The following ZNF385B variants were observed in gnomAD, a reference collection of about 807,000 sequenced individuals.
ZNF385B encodes zinc finger protein 533.
A neutral mutation model predicts 39.2 loss-of-function variants in ZNF385B; 23 were observed. The ratio of observed to expected loss-of-function variants is 0.59; its 90% CI spans 0.42 to 0.83. ZNF385B has a LOEUF of 0.83. Among genes scored for constraint, ZNF385B ranks in the 40% least tolerant of loss-of-function variants. The pLI, the probability that ZNF385B is intolerant of heterozygous loss-of-function variation, is 0.00. For missense variants in ZNF385B, 552 were observed against 598.9 expected (o/e 0.92, Z 0.82); for synonymous variants, 205 against 222.6 (o/e 0.92, Z 0.70).
chr2:179,827,628 A>C (rs1379342113), intron 1 of ZNF385B, among the ~76,000 whole-genome samples: 1 of 152,208 alleles, frequency 6.6e-6, no homozygotes, highest in Non-Finnish European at 1.5e-5. Flanking sequence ...TACAACCAGA[A>C]CTGCCCCGCA....
chr2:179,590,058 G>T (rs1262732710), intron 3 of ZNF385B, among the ~76,000 whole-genome samples: 1 of 152,222 alleles, frequency 6.6e-6, no homozygotes, highest in Non-Finnish European at 1.5e-5. Flanking sequence ...ATTGTGTGGG[G>T]TCTGTATGTG....
chr2:179,790,910 C>G (rs940680191), intron 1 of ZNF385B, among the ~76,000 whole-genome samples: 1 of 152,086 alleles, frequency 6.6e-6, no homozygotes, highest in Non-Finnish European at 1.5e-5. Flanking sequence ...TATAATGTCC[C>G]CCTATTTATG....
chr2:179,769,903 GC>G, intron 2 of ZNF385B, 101 bp from the exon 3 acceptor site: 1 of 1,184,586 alleles, frequency 8.4e-7, no homozygotes, highest in Non-Finnish European at 1.2e-6. Context: ...GCTAAAAGTT[GC>G]CCAGCTACCC....
chr2:179,551,622 TC>T, intron 3 of ZNF385B, among the ~76,000 whole-genome samples: 1 of 152,240 alleles, frequency 6.6e-6, no homozygotes, highest in African/African-American at 2.4e-5. Context: ...AATCTTCATA[TC>T]TTTCCAGGAA....
chr2:179,727,063 T>C (rs1701068107), intron 3 of ZNF385B, among the ~76,000 whole-genome samples: 2 of 151,970 alleles, frequency 1.3e-5, no homozygotes, highest in Non-Finnish European at 2.9e-5. Flanking sequence ...CGTGTGTGTG[T>C]TTCAGGGAGC....
intron 3 of ZNF385B, among the ~76,000 whole-genome samples, chr2:179,699,138 C>T (rs1698987612): frequency 6.6e-6 from 1 of 151,250 alleles, no homozygotes; most frequent in South Asian, 2.1e-4. Flanking sequence ...ATAAAATTTA[C>T]CATTTTAACC....
chr2:179,787,102 A>G (rs1290531705), intron 1 of ZNF385B, among the ~76,000 whole-genome samples: 1 of 151,926 alleles, frequency 6.6e-6, no homozygotes, highest in African/African-American at 2.4e-5. Flanking sequence ...CTTATATTTC[A>G]TTATTATGAT....
At chr2:179,446,299 G>A (rs997156637) in intron 7 of ZNF385B, among the ~76,000 whole-genome samples, 1 of 152,086 alleles carries the variant, frequency 6.6e-6, no homozygotes, top group Non-Finnish European at 1.5e-5. Context: ...AGTATTAGAT[G>A]TTTTTAAGAA....
chr2:179,453,136 T>C (rs1322846216), intron 6 of ZNF385B, among the ~76,000 whole-genome samples: 3 of 152,184 alleles, frequency 2.0e-5, no homozygotes, highest in African/African-American at 4.8e-5. Context: ...GGATTAAGAT[T>C]TCTAACACCA....
chr2:179,465,140 A>G (rs546905981), intron 6 of ZNF385B, among the ~76,000 whole-genome samples: 1 of 152,172 alleles, frequency 6.6e-6, no homozygotes, highest in Non-Finnish European at 1.5e-5. Context: ...AATGTCCACA[A>G]TATTTTTCAC....
chr2:179,577,880 ACT>A (rs900016584), intron 3 of ZNF385B, among the ~76,000 whole-genome samples: 12 of 152,038 alleles, frequency 7.9e-5, no homozygotes, highest in African/African-American at 2.4e-4. Context: ...GATATATTTA[ACT>A]CTCATAATGT....
intron 1 of ZNF385B, among the ~76,000 whole-genome samples, chr2:179,811,948 A>G (rs921875937): frequency 3.3e-5 from 5 of 152,158 alleles, no homozygotes; most frequent in African/African-American, 1.2e-4. Context: ...TAATTGAACA[A>G]GCAAAAAACA....
At chr2:179,646,878 CTATT>C (rs1475993766) in intron 3 of ZNF385B, among the ~76,000 whole-genome samples, 2 of 152,172 alleles carry the variant, frequency 1.3e-5, no homozygotes, top group Non-Finnish European at 1.5e-5. Context: ...AATTTATAAA[CTATT>C]TAATATGCAA....
intron 3 of ZNF385B, among the ~76,000 whole-genome samples, chr2:179,624,225 C>A (rs1157248771): frequency 6.6e-6 from 1 of 152,182 alleles, no homozygotes. Flanking sequence ...AAGTCCAACA[C>A]CCTGTACCCC....
intron 3 of ZNF385B, among the ~76,000 whole-genome samples, chr2:179,571,902 C>T (rs1164870127): frequency 6.6e-6 from 1 of 152,118 alleles, no homozygotes; most frequent in African/African-American, 2.4e-5. Context: ...TTCTAGACCA[C>T]ATCCTGGGTT....
At chr2:179,762,537 G>A (rs940404919) in intron 3 of ZNF385B, among the ~76,000 whole-genome samples, 2 of 152,086 alleles carry the variant, frequency 1.3e-5, no homozygotes, top group Admixed American at 1.3e-4. Context: ...TGCATACCTG[G>A]AATAAATCCC....
At chr2:179,492,558 C>A (rs1315481340) in intron 5 of ZNF385B, among the ~76,000 whole-genome samples, 1 of 152,016 alleles carries the variant, frequency 6.6e-6, no homozygotes, top group Non-Finnish European at 1.5e-5. Context: ...AAACAATATC[C>A]TTAATGTAGA....
intron 3 of ZNF385B, among the ~76,000 whole-genome samples, chr2:179,643,135 T>TC (rs1692415057): frequency 6.6e-6 from 1 of 151,746 alleles, no homozygotes; most frequent in Non-Finnish European, 1.5e-5. Flanking sequence ...ATTTTTGTTT[T>TC]TTTTTGGTCA....
At chr2:179,740,257 G>A (rs1702010110) in intron 3 of ZNF385B, among the ~76,000 whole-genome samples, 1 of 152,208 alleles carries the variant, frequency 6.6e-6, no homozygotes, top group East Asian at 1.9e-4. Flanking sequence ...ACAGAAAACT[G>A]GCAGTACTAT....
Sources: allele counts gnomAD v4.1 joint callset (sites outside exome capture counted in the v4.1 genomes callset), GRCh38; gene constraint gnomAD v4.1.1; transcripts MANE v1.5; gene names NCBI Gene and HGNC (gene_info 2026-07-23, HGNC 2026-07-21).